Variants in RBFOX1 observed in about 807,000 individuals in gnomAD.
The protein encoded by RBFOX1 is RNA binding fox-1 homolog 1.
In RBFOX1, 8 loss-of-function variants were observed where a neutral mutation model predicts 57.7. That is an observed-to-expected ratio of 0.14 (90% CI 0.08 to 0.25). RBFOX1 has a LOEUF of 0.25. Ranked by LOEUF, RBFOX1 falls within the 10% of genes least tolerant of loss-of-function variation. The pLI, the probability that RBFOX1 is intolerant of heterozygous loss-of-function variation, is 1.00. For missense variants in RBFOX1, 611 were observed against 548.5 expected (o/e 1.11, Z -1.14); for synonymous variants, 326 against 222.4 (o/e 1.47, Z -4.15).
rs73533800 is a variant in RBFOX1, at chr16:6,695,020, T to A, written c.-16+40370T>A. ...ACACATAGACATTCTAAAAGCTGCA[T>A]TTCATATTAAATCAGCCAGGCTTTG... On this transcript the variant is annotated intron_variant, in intron 3 of 15. Coordinates refer to ENST00000550418, the MANE Select transcript of RBFOX1 (RefSeq NM_018723.4). Among the ~76,000 whole-genome samples the A allele has an allele frequency of 8.0e-3, 1,223 of 152,176 alleles. 20 individuals are homozygous for A. Among genetic ancestry groups the A allele is most frequent in the African/African-American group, 0.028 (1,147 of 41,514 alleles).
intron 3 of RBFOX1, among the ~76,000 whole-genome samples, chr16:6,858,353 A>G (rs2034211725): frequency 6.6e-6 from 1 of 152,184 alleles, no homozygotes; most frequent in South Asian, 2.1e-4. Context: ...TACAGGAAAA[A>G]GCAGAGCAGA....
At position 6,051,337 on chromosome 16, in the gene RBFOX1, C is replaced by CT. The variant is rs1326989369; in HGVS notation, c.-127+31353dup. ...GAGAGTTCAGAGTTTTCTTTCTTTCCTTTTTTTTGAGACAGAGTCTTGCTC... is the reference window on the plus strand; with the variant it reads ...GAGAGTTCAGAGTTTTCTTTCTTTCCTTTTTTTTTGAGACAGAGTCTTGCTC... On this transcript the variant is annotated intron_variant, in intron 1 of 15. Coordinates refer to ENST00000550418, the MANE Select transcript of RBFOX1 (RefSeq NM_018723.4). Among the ~76,000 whole-genome samples, 75 of 151,528 alleles carry CT rather than the reference C, an allele frequency of 4.9e-4. 2 individuals are homozygous for CT. The highest frequency in any genetic ancestry group is 2.6e-4 in the Admixed American group (4 of 15,206).
intron 3 of RBFOX1, among the ~76,000 whole-genome samples, chr16:5,820,443 G>C (rs558049179): frequency 2.0e-5 from 3 of 152,278 alleles, no homozygotes; most frequent in Middle Eastern, 3.4e-3. Flanking sequence ...TGGCTGGACC[G>C]TGCCGGGATT....
chr16:6,701,744 A>G (rs1194023061), intron 3 of RBFOX1, among the ~76,000 whole-genome samples: 1 of 152,262 alleles, frequency 6.6e-6, no homozygotes, highest in African/African-American at 2.4e-5. Flanking sequence ...AATGTGGCAC[A>G]TGTACACCAT....
intron 3 of RBFOX1, among the ~76,000 whole-genome samples, chr16:6,774,669 G>A (rs6500826): frequency 0.69 from 105,323 of 151,986 alleles, 37,014 homozygotes; most frequent in East Asian, 0.91. Flanking sequence ...GAGTATTCTT[G>A]ACAGTAAATT....
At chr16:7,174,850 C>A (rs960140513) in intron 4 of RBFOX1, among the ~76,000 whole-genome samples, 4 of 152,148 alleles carry the variant, frequency 2.6e-5, no homozygotes, top group African/African-American at 9.7e-5. Flanking sequence ...TATTCAATAT[C>A]CCCACCAGCA....
At chr16:6,126,391 T>C (rs1471258587) in intron 1 of RBFOX1, among the ~76,000 whole-genome samples, 1 of 152,230 alleles carries the variant, frequency 6.6e-6, no homozygotes, top group Non-Finnish European at 1.5e-5. Flanking sequence ...ATGCGCACTA[T>C]GTGCCAAGTC....
Position 7,530,008 on chromosome 16 carries a change from C to CAAAAAAAAAA in RBFOX1, c.270+11626_270+11635dup, listed in dbSNP as rs35251344. ...TGGAAAACAGAGTCAGACTCCATCT[C>CAAAAAAAAAA]AAAAAAAAAAAAAAAAGTGAATTTA... On this transcript the variant is annotated intron_variant, in intron 5 of 15. Coordinates refer to ENST00000550418, the MANE Select transcript of RBFOX1 (RefSeq NM_018723.4). Among the ~76,000 whole-genome samples, 8 of 125,044 alleles carry CAAAAAAAAAA rather than the reference C, an allele frequency of 6.4e-5. No individual in the cohort carries two copies. In the East Asian group the frequency reaches 8.0e-4, roughly 12 times the overall value. 82.0% of individuals were successfully genotyped at this position (125,044 alleles called of 152,430 possible). A position where few individuals can be genotyped will look rare whatever the true frequency, so the allele number is the denominator to read the frequency against.
chr16:7,333,376 G>A (rs1438433488), intron 4 of RBFOX1, among the ~76,000 whole-genome samples: 1 of 152,192 alleles, frequency 6.6e-6, no homozygotes, highest in Admixed American at 6.5e-5. Context: ...CAAAGGATTT[G>A]CTCTCCTTCT....
At chr16:6,667,298 C>T (rs543789078) in intron 3 of RBFOX1, among the ~76,000 whole-genome samples, 7 of 152,142 alleles carry the variant, frequency 4.6e-5, no homozygotes, top group East Asian at 3.9e-4. Context: ...TGAGGTAGAT[C>T]GGGCTATTGG....
intron 4 of RBFOX1, among the ~76,000 whole-genome samples, chr16:7,204,884 G>A (rs933776384): frequency 6.6e-6 from 1 of 152,094 alleles, no homozygotes; most frequent in Non-Finnish European, 1.5e-5. Context: ...GTTCTTGACT[G>A]TTTTGGATAT....
intron 2 of RBFOX1, among the ~76,000 whole-genome samples, chr16:6,361,628 T>TTAAAAAAAAAAAAAAAAAAAAAAAAA (rs1371587081): frequency 5.5e-5 from 7 of 127,944 alleles, no homozygotes; most frequent in African/African-American, 2.0e-4. Flanking sequence ...ACTCTGTCTC[T>TTAAAAAAAAAAAAAAAAAAAAAAAAA]AAAAAAAAAA....
intron 4 of RBFOX1, among the ~76,000 whole-genome samples, chr16:7,441,672 C>T (rs896150824): frequency 5.9e-5 from 9 of 152,136 alleles, no homozygotes; most frequent in Admixed American, 2.0e-4. Flanking sequence ...AAATTTTTGG[C>T]TTCTTGCAAA....
At chr16:5,657,620 C>A (rs1200405717) in intron 3 of RBFOX1, among the ~76,000 whole-genome samples, 1 of 90,630 alleles carries the variant, frequency 1.1e-5, no homozygotes, top group Non-Finnish European at 2.0e-5. Context: ...TTCTTTCTTT[C>A]TCTCTTTCTT....
At chr16:6,916,662 C>T (rs927170741) in intron 3 of RBFOX1, among the ~76,000 whole-genome samples, 2 of 152,070 alleles carry the variant, frequency 1.3e-5, no homozygotes, top group East Asian at 1.9e-4. Context: ...TCACGACCTT[C>T]CCAGGTCGTC....
chr16:5,512,213 G>A, intron 2 of RBFOX1, among the ~76,000 whole-genome samples: 1 of 152,196 alleles, frequency 6.6e-6, no homozygotes, highest in East Asian at 1.9e-4. Flanking sequence ...CTGGGTGAGA[G>A]GCACACAGTG....
intron 2 of RBFOX1, among the ~76,000 whole-genome samples, chr16:6,650,838 A>G (rs1360357103): frequency 3.9e-5 from 6 of 152,156 alleles, no homozygotes; most frequent in Admixed American, 3.9e-4. Context: ...TCTTGGTGAG[A>G]AAATCAACAT....
At chr16:7,501,826 C>G (rs550849387) in intron 4 of RBFOX1, among the ~76,000 whole-genome samples, 23 of 152,258 alleles carry the variant, frequency 1.5e-4, no homozygotes, top group African/African-American at 4.8e-4. Flanking sequence ...GGCACATACC[C>G]TATTGCACTG....
chr16:7,054,987 G>T (rs2051622532), intron 4 of RBFOX1, among the ~76,000 whole-genome samples: 2 of 152,058 alleles, frequency 1.3e-5, no homozygotes, highest in Non-Finnish European at 2.9e-5. Flanking sequence ...TCCAATACTT[G>T]GTGTTAGGAT....
Sources: gnomAD v4.1 joint callset for allele counts (sites outside exome capture counted in the v4.1 genomes callset) on GRCh38, gnomAD v4.1.1 for gene constraint, MANE v1.5 for transcripts, NCBI Gene and HGNC (gene_info 2026-07-23, HGNC 2026-07-21) for gene names.